COLEC12: variants seen among roughly 807,000 people sequenced by gnomAD.
The protein encoded by COLEC12 is collectin-12.
In COLEC12, 33 loss-of-function variants were observed where a neutral mutation model predicts 71.1. That is an observed-to-expected ratio of 0.46 (90% CI 0.35 to 0.62). The LOEUF is 0.62. COLEC12 is among the 20% of genes least tolerant of loss of function. COLEC12 has a pLI of 0.00. For missense variants in COLEC12, 765 were observed against 916.1 expected, an observed-to-expected ratio of 0.84 and a Z score of 2.13; for synonymous variants, 350 against 353.0, an observed-to-expected ratio of 0.99 and a Z score of 0.10.
chr18:411,254 C>T (rs1180199312), intron 2 of COLEC12, among the ~76,000 whole-genome samples: 1 of 152,146 alleles, frequency 6.6e-6, no homozygotes, highest in Non-Finnish European at 1.5e-5. Flanking sequence ...CAGCTTAAAA[C>T]AAAAGGTTTT....
chr18:480,821 A>G lies in COLEC12; in HGVS notation c.8-64T>C. 7.3e-7 allele frequency: 1 copy of G among 1,370,242 alleles called. No homozygotes were observed. Among genetic ancestry groups the G allele is most frequent in the South Asian group, 1.2e-5 (1 of 86,294 alleles). 84.9% of individuals were successfully genotyped at this position (1,370,242 alleles called of 1,614,324 possible). On this transcript the variant is annotated intron_variant, in intron 1 of 9. Transcript: ENST00000400256. The surrounding 1 kb of genome is among the most constrained non-coding windows in gnomAD (Gnocchi z 4.1). ...GGGGCACAGAAGCAGAGGGTGGGGCAGGATGCGACCTGCTTCATCGCCCCT... is the reference window on the plus strand; with the variant it reads ...GGGGCACAGAAGCAGAGGGTGGGGCGGGATGCGACCTGCTTCATCGCCCCT...
intron 2 of COLEC12, among the ~76,000 whole-genome samples, chr18:474,028 A>G (rs1056982693): frequency 6.6e-6 from 1 of 152,230 alleles, no homozygotes. Flanking sequence ...AATATGACAC[A>G]TATTATGAAA....
chr18:351,780 A>C (rs1040426494), intron 3 of COLEC12, among the ~76,000 whole-genome samples: 7 of 152,298 alleles, frequency 4.6e-5, no homozygotes, highest in African/African-American at 1.2e-4. Flanking sequence ...ACATGTGCAC[A>C]ACGTGCAGGT....
rs117404372 is a variant in COLEC12, at chr18:402,100, G to A, written c.59-44578C>T. On this transcript the variant is annotated intron_variant, in intron 2 of 9. Coordinates refer to ENST00000400256, the MANE Select transcript of COLEC12 (RefSeq NM_130386.3). ...TTCTTGGTGTTTTGAACAAAGAATT[G>A]GACAAAACACAGAAGCAAAGCAGCC... 1.7e-4 allele frequency among the ~76,000 whole-genome samples: 26 copies of A among 152,218 alleles called. No homozygotes were observed. The East Asian group carries it at 4.4e-3, about 26-fold the overall frequency.
intron 2 of COLEC12, among the ~76,000 whole-genome samples, chr18:402,358 C>T (rs188830323): frequency 1.3e-5 from 2 of 152,074 alleles, no homozygotes; most frequent in East Asian, 1.9e-4. Flanking sequence ...CCAAATGCCA[C>T]GCAGAAAAAG....
chr18:345,066 G>A (rs927649202), intron 5 of COLEC12, among the ~76,000 whole-genome samples: 6 of 152,178 alleles, frequency 3.9e-5, no homozygotes, highest in African/African-American at 1.4e-4. Context: ...TAGTGACTCA[G>A]GCCCTTGTGT....
At chr18:337,963 C>T (rs1459419065) in intron 5 of COLEC12, among the ~76,000 whole-genome samples, 1 of 152,100 alleles carries the variant, frequency 6.6e-6, no homozygotes, top group Non-Finnish European at 1.5e-5. Context: ...ATTGATCTTC[C>T]TACCTGTGAT....
chr18:459,019 G>C (rs905282633), intron 2 of COLEC12, among the ~76,000 whole-genome samples: 3 of 152,258 alleles, frequency 2.0e-5, no homozygotes, highest in African/African-American at 4.8e-5. Context: ...ATTTTCTGTA[G>C]AGATGGGGAC....
intron 2 of COLEC12, among the ~76,000 whole-genome samples, chr18:465,828 T>G (rs1917074102): frequency 6.6e-6 from 1 of 152,084 alleles, no homozygotes; most frequent in Non-Finnish European, 1.5e-5. Context: ...ATCCCAGCAC[T>G]TTGGGAGGCT....
chr18:344,208 C>G (rs1914322546), intron 5 of COLEC12, among the ~76,000 whole-genome samples: 1 of 152,112 alleles, frequency 6.6e-6, no homozygotes, highest in Non-Finnish European at 1.5e-5. Context: ...ACTGTCCAGC[C>G]CCTCCAGAGC....
chr18:486,766 T>TAAAG (rs1917526584), intron 1 of COLEC12, among the ~76,000 whole-genome samples: 1 of 152,226 alleles, frequency 6.6e-6, no homozygotes, highest in Non-Finnish European at 1.5e-5. Context: ...ATAGGAGGAC[T>TAAAG]GTTGGAACAT....
At chr18:497,467 C>A (rs966193153) in intron 1 of COLEC12, among the ~76,000 whole-genome samples, 5 of 151,890 alleles carry the variant, frequency 3.3e-5, no homozygotes, top group Non-Finnish European at 5.9e-5. Context: ...TGCAGTGGCA[C>A]GATCTCGGCT....
At chr18:348,942 T>C (rs920548650) in intron 3 of COLEC12, among the ~76,000 whole-genome samples, 2 of 152,216 alleles carry the variant, frequency 1.3e-5, no homozygotes, top group African/African-American at 4.8e-5. Context: ...TGGGAGGGAC[T>C]TGGTGGGAGA....
intron 2 of COLEC12, among the ~76,000 whole-genome samples, chr18:462,196 C>T (rs1251887098): frequency 6.6e-6 from 1 of 152,164 alleles, no homozygotes; most frequent in African/African-American, 2.4e-5. Flanking sequence ...TAGGTATATA[C>T]CCAAGAGAAT....
intron 2 of COLEC12, among the ~76,000 whole-genome samples, chr18:479,308 G>C (rs367568754): frequency 4.6e-5 from 7 of 152,136 alleles, no homozygotes; most frequent in African/African-American, 7.2e-5. Flanking sequence ...CACGCGGGCC[G>C]CTCTGCCAGG....
chr18:320,100 C>G, intron 9 of COLEC12, 36 bp from the exon 10 acceptor site: 1 of 1,294,246 alleles, frequency 7.7e-7, no homozygotes, highest in Non-Finnish European at 1.1e-6. Context: ...ATTAGTTTTT[C>G]TTAAATAATA....
chr18:376,494 T>A (rs1390159229), intron 2 of COLEC12, among the ~76,000 whole-genome samples: 2 of 152,202 alleles, frequency 1.3e-5, no homozygotes, highest in African/African-American at 4.8e-5. Flanking sequence ...CGTTGCACTG[T>A]AGTAGAGTTG....
intron 2 of COLEC12, among the ~76,000 whole-genome samples, chr18:472,678 CAAAA>C (rs765169609): frequency 2.3e-4 from 22 of 93,678 alleles, no homozygotes; most frequent in Non-Finnish European, 2.9e-4. Context: ...GGCCCTGTGA[CAAAA>C]AAAAAAAAAA....
At chr18:371,489 CT>C (rs1914998307) in intron 2 of COLEC12, among the ~76,000 whole-genome samples, 2 of 148,962 alleles carry the variant, frequency 1.3e-5, no homozygotes, top group South Asian at 4.4e-4. Context: ...AAAGCCAGGA[CT>C]CCAGGAGGGC....
Sources: allele counts gnomAD v4.1 joint callset (sites outside exome capture counted in the v4.1 genomes callset), GRCh38; gene constraint gnomAD v4.1.1; non-coding constraint Gnocchi (gnomAD v3.1); transcripts MANE v1.5; gene names NCBI Gene and HGNC (gene_info 2026-07-23, HGNC 2026-07-21).